The following TRPC5 variants were observed in gnomAD, a reference collection of about 807,000 sequenced individuals.
The protein encoded by TRPC5 is short transient receptor potential channel 5.
TRPC5 carries 9 observed loss-of-function variants against 56.5 expected under a neutral mutation model. The ratio of observed to expected loss-of-function variants is 0.16; its 90% CI spans 0.10 to 0.28. The LOEUF is 0.28. TRPC5 is among the 10% of genes least tolerant of loss of function. The probability of loss-of-function intolerance (pLI) is 1.00; values close to 1 mark genes in which losing one functional copy is unlikely to be tolerated. For missense variants in TRPC5, 469 were observed against 748.9 expected (o/e 0.63, Z 4.36); for synonymous variants, 282 against 278.5 (o/e 1.01, Z -0.13).
At position 111,776,834 on chromosome X, in the gene TRPC5, A is replaced by G. The variant is rs1185663858; in HGVS notation, c.2401T>C (p.Leu801=). The G allele has an allele frequency of 8.3e-7, 1 of 1,209,490 alleles. No individual in the cohort carries two copies. The highest frequency in any genetic ancestry group is 2.2e-5 in the Admixed American group (1 of 45,657). The change falls in exon 11 of 11, where the codon TTA becomes CTA. Residue 801 remains leucine (L), a synonymous_variant. Transcript: ENST00000262839. ...TGGCAAGTCTTTTTCTTGCAGCCTA[A>G]ATTAAAAGAGACACTCTTGGATTTG... is the stretch of plus-strand genomic sequence containing the variant. The part of the protein sequence containing the change: ...RAKSKSVSFN[L]GCKKKTCHGP...
At chrX:111,817,913 G>A (rs758491033) in intron 7 of TRPC5, among the ~76,000 whole-genome samples, 6 of 111,243 alleles carry the variant, frequency 5.4e-5, no homozygotes, top group Non-Finnish European at 7.5e-5. Context: ...CCTCTCTTTA[G>A]CATCCTGCCA....
At chrX:112,055,770 A>G (rs2147736530) in intron 1 of TRPC5, among the ~76,000 whole-genome samples, 1 of 108,770 alleles carries the variant, frequency 9.2e-6, no homozygotes, top group East Asian at 2.8e-4. Context: ...TTACATTTAT[A>G]TAATTTATAT....
chrX:112,013,532 C>A (rs1320110657), intron 1 of TRPC5, among the ~76,000 whole-genome samples: 1 of 111,549 alleles, frequency 9.0e-6, no homozygotes, highest in Admixed American at 9.6e-5. Context: ...CATCTTATAG[C>A]TGAGAAAACT....
intron 1 of TRPC5, among the ~76,000 whole-genome samples, chrX:111,976,751 CA>C (rs1373175514): frequency 9.1e-6 from 1 of 110,460 alleles, no homozygotes; most frequent in Non-Finnish European, 1.9e-5. Flanking sequence ...AATTCACACA[CA>C]AAAAACTGTT....
At chrX:111,814,614 G>T (rs771774282) in intron 7 of TRPC5, among the ~76,000 whole-genome samples, 1 of 110,107 alleles carries the variant, frequency 9.1e-6, no homozygotes, top group South Asian at 4.0e-4. Context: ...AACTCCAAGA[G>T]CCCCCTTGGT....
At chrX:111,873,782 C>G (rs1484526460) in intron 3 of TRPC5, among the ~76,000 whole-genome samples, 3 of 109,665 alleles carry the variant, frequency 2.7e-5, no homozygotes, top group African/African-American at 1.0e-4. Flanking sequence ...AAAATTTCGT[C>G]TCCAAATAAA....
At chrX:111,976,493 A>G (rs1030337537) in intron 1 of TRPC5, among the ~76,000 whole-genome samples, 7 of 111,144 alleles carry the variant, frequency 6.3e-5, no homozygotes, top group Admixed American at 9.6e-5. Flanking sequence ...CCTTAACACA[A>G]TAAAGACCGT....
intron 1 of TRPC5, among the ~76,000 whole-genome samples, chrX:111,959,059 G>A (rs1474158259): frequency 1.8e-5 from 2 of 112,495 alleles, no homozygotes; most frequent in Non-Finnish European, 3.8e-5. Flanking sequence ...GCTAAAGGGA[G>A]TCCTTGAGAT....
chrX:111,938,665 A>G (rs1242788016), intron 2 of TRPC5, among the ~76,000 whole-genome samples: 1 of 111,450 alleles, frequency 9.0e-6, no homozygotes, highest in African/African-American at 3.3e-5. Flanking sequence ...ATTTGCATGT[A>G]TTGAACCAGC....
At chrX:112,015,814 T>G (rs1358838487) in intron 1 of TRPC5, among the ~76,000 whole-genome samples, 1 of 111,829 alleles carries the variant, frequency 8.9e-6, no homozygotes, top group East Asian at 2.8e-4. Flanking sequence ...AATGTTCTCC[T>G]GGGTAATAGG....
At chrX:111,789,483 A>C (rs1436494853) in intron 7 of TRPC5, among the ~76,000 whole-genome samples, 1 of 112,357 alleles carries the variant, frequency 8.9e-6, no homozygotes, top group Non-Finnish European at 1.9e-5. Context: ...CCTAGGCAAT[A>C]CCATTCAGGA....
intron 1 of TRPC5, among the ~76,000 whole-genome samples, chrX:112,053,098 T>G (rs370921562): frequency 3.6e-5 from 4 of 111,792 alleles, no homozygotes; most frequent in Non-Finnish European, 7.5e-5. Context: ...ATAAATCAGA[T>G]GGAAATATTT....
chrX:111,802,665 ATCT>A (rs1270426868), intron 7 of TRPC5, among the ~76,000 whole-genome samples: 1 of 110,836 alleles, frequency 9.0e-6, no homozygotes, highest in African/African-American at 3.3e-5. Flanking sequence ...AGTGATGATA[ATCT>A]TCTTTTAACG....
At chrX:111,994,383 C>T (rs762654240) in intron 1 of TRPC5, among the ~76,000 whole-genome samples, 124 of 111,362 alleles carry the variant, frequency 1.1e-3, no homozygotes, top group Admixed American at 4.1e-3. Context: ...CTTGGCAATG[C>T]GGGCTCTTTT....
intron 3 of TRPC5, among the ~76,000 whole-genome samples, chrX:111,906,871 C>A (rs1205585188): frequency 2.7e-5 from 3 of 111,705 alleles, no homozygotes; most frequent in Non-Finnish European, 5.6e-5. Context: ...AGAAGTAATG[C>A]TTCTGCTCTG....
Position 111,933,218 on chromosome X carries a change from G to A in TRPC5, c.378+18825C>T, listed in dbSNP as rs1010849011. 5.4e-5 allele frequency among the ~76,000 whole-genome samples: 6 copies of A among 111,991 alleles called. No individual in the cohort carries two copies. In the South Asian group the frequency reaches 2.2e-3, roughly 42 times the overall value. ...TGGTGGGCTGGGATACAATAGCTCT[G>A]AGGAGAGATGGAAAGGTGGCTGTGA... On this transcript the variant is annotated intron_variant, in intron 2 of 10. Transcript: ENST00000262839.
intron 1 of TRPC5, among the ~76,000 whole-genome samples, chrX:111,985,818 C>A (rs1928197226): frequency 8.9e-6 from 1 of 111,929 alleles, no homozygotes; most frequent in Non-Finnish European, 1.9e-5. Flanking sequence ...GCTGCTTTGA[C>A]TCTGTTGTCC....
intron 9 of TRPC5, 150 bp downstream of exon 9, chrX:111,781,015 G>A: frequency 3.5e-6 from 2 of 577,940 alleles, no homozygotes; most frequent in Middle Eastern, 3.3e-4. Flanking sequence ...CTTGGAGAAG[G>A]TACTTCAGCC....
intron 2 of TRPC5, among the ~76,000 whole-genome samples, chrX:111,913,779 T>C (rs1925890388): frequency 9.1e-6 from 1 of 110,315 alleles, no homozygotes; most frequent in African/African-American, 3.3e-5. Flanking sequence ...GCTAACACGG[T>C]GAAACCCCGT....
Sources: gnomAD v4.1 joint callset for allele counts (sites outside exome capture counted in the v4.1 genomes callset) on GRCh38, gnomAD v4.1.1 for gene constraint, MANE v1.5 for transcripts, NCBI Gene and HGNC (gene_info 2026-07-23, HGNC 2026-07-21) for gene names.